GREB1L: variants seen among roughly 807,000 people sequenced by gnomAD.
GREB1L encodes the protein GREB1-like protein.
GREB1L carries 17 observed loss-of-function variants against 200.8 expected under a neutral mutation model. That is an observed-to-expected ratio of 0.08 (90% CI 0.06 to 0.13). The LOEUF (loss-of-function observed/expected upper bound fraction) is 0.13, where lower values mean the gene tolerates loss of function less well. Among genes scored for constraint, GREB1L ranks in the 10% least tolerant of loss-of-function variants. The probability of loss-of-function intolerance (pLI) is 1.00; values close to 1 mark genes in which losing one functional copy is unlikely to be tolerated. For synonymous variants in GREB1L, 789 were observed against 893.0 expected, an observed-to-expected ratio of 0.88 and a Z score of 2.08; for missense variants, 1,657 against 2,367.7, an observed-to-expected ratio of 0.70 and a Z score of 6.23.
chr18:21,444,525 C>CTAA (rs1391784855), intron 11 of GREB1L, 116 bp downstream of exon 11: 7 of 841,130 alleles, frequency 8.3e-6, no homozygotes, highest in Non-Finnish European at 1.1e-5. Flanking sequence ...TCTTTCGCTT[C>CTAA]TAATGTTCTT....
intron 7 of GREB1L, among the ~76,000 whole-genome samples, chr18:21,408,778 G>A (rs1345965052): frequency 7.9e-6 from 1 of 126,076 alleles, no homozygotes; most frequent in Non-Finnish European, 1.7e-5. Flanking sequence ...TGAGCAAAAA[G>A]AGAGAAATTC....
chr18:21,372,174 A>C (rs953353855), intron 2 of GREB1L, among the ~76,000 whole-genome samples: 4 of 149,356 alleles, frequency 2.7e-5, no homozygotes, highest in Admixed American at 6.7e-5. Context: ...TTTGAGACAG[A>C]GTCTCGCTCT....
chr18:21,384,013 C>T (rs1455039565), intron 3 of GREB1L, among the ~76,000 whole-genome samples, 193 bp from the exon 4 acceptor site: 1 of 152,176 alleles, frequency 6.6e-6, no homozygotes, highest in East Asian at 1.9e-4. Flanking sequence ...TGCACCCGGC[C>T]ACTGGACTCC....
intron 1 of GREB1L, among the ~76,000 whole-genome samples, chr18:21,344,403 A>AAAAAACAACAACAACAAC (rs1555629787): frequency 1.3e-5 from 2 of 150,226 alleles, no homozygotes; most frequent in African/African-American, 5.0e-5. Context: ...TCTGTCTCAA[A>AAAAAACAACAACAACAAC]AACAACAACA....
chr18:21,287,287 A>G (rs1029180982), intron 1 of GREB1L, among the ~76,000 whole-genome samples: 1 of 152,104 alleles, frequency 6.6e-6, no homozygotes, highest in Non-Finnish European at 1.5e-5. Context: ...AGAATTGCAT[A>G]CTCCACACTA....
chr18:21,384,090 T>C, intron 3 of GREB1L, 116 bp from the exon 4 acceptor site: 1 of 745,652 alleles, frequency 1.3e-6, no homozygotes, highest in Non-Finnish European at 2.2e-6. Flanking sequence ...CTGAGATAAA[T>C]TGGCTAAATG....
At chr18:21,461,196 G>A (rs765445487) in intron 15 of GREB1L, among the ~76,000 whole-genome samples, 34 of 151,898 alleles carry the variant, frequency 2.2e-4, no homozygotes, top group Non-Finnish European at 3.2e-4. Context: ...GCTGATCAGT[G>A]GAGGAGCTGG....
chr18:21,513,461 C>T (rs1315634936), intron 27 of GREB1L, among the ~76,000 whole-genome samples: 1 of 152,200 alleles, frequency 6.6e-6, no homozygotes, highest in African/African-American at 2.4e-5. Context: ...AGGAAGTAAA[C>T]AGTAACAGCA....
chr18:21,244,192 C>T (rs1474299610), intron 1 of GREB1L, among the ~76,000 whole-genome samples: 1 of 152,192 alleles, frequency 6.6e-6, no homozygotes, highest in African/African-American at 2.4e-5. Context: ...ATATCTCCTC[C>T]TGCACACACA....
At chr18:21,256,119 A>G (rs943769461) in intron 1 of GREB1L, among the ~76,000 whole-genome samples, 3 of 152,226 alleles carry the variant, frequency 2.0e-5, no homozygotes, top group African/African-American at 7.2e-5. Context: ...AAAAATGGCT[A>G]TTTTAAAGTG....
intron 16 of GREB1L, among the ~76,000 whole-genome samples, chr18:21,476,297 G>A (rs878990930): frequency 2.6e-5 from 4 of 152,090 alleles, no homozygotes; most frequent in Non-Finnish European, 2.9e-5. Context: ...AAGCCAGAAA[G>A]TGTTTGATAA....
At chr18:21,457,055 A>C (rs1167068087) in intron 15 of GREB1L, among the ~76,000 whole-genome samples, 2 of 152,228 alleles carry the variant, frequency 1.3e-5, no homozygotes, top group Admixed American at 6.5e-5. Flanking sequence ...AATCATCTGC[A>C]GAGCCTTTTC....
intron 1 of GREB1L, among the ~76,000 whole-genome samples, chr18:21,331,157 A>G (rs1159972709): frequency 1.3e-5 from 2 of 152,208 alleles, no homozygotes; most frequent in African/African-American, 4.8e-5. Flanking sequence ...GGTGACTATT[A>G]TATTTGTTTA....
chr18:21,388,745 C>T (rs1351600858), intron 4 of GREB1L, among the ~76,000 whole-genome samples: 8 of 151,774 alleles, frequency 5.3e-5, no homozygotes, highest in Admixed American at 2.6e-4. Context: ...GGGGTTTCAC[C>T]GGTTCCTTTT....
rs376022881 is a variant in GREB1L at position 21,439,587 on chromosome 18, C to G, written c.899C>G (p.Thr300Arg). ...GCATCCAGCTCCACTCCAGCCCACA[C>G]AGGGAATTACTCTTTGTCACCACGA... Reference protein sequence around the residue: ...GSASSSTPAHTGNYSLSPRPS... With the variant: ...GSASSSTPAHRGNYSLSPRPS... Residue 300 changes from threonine to arginine, a missense_variant, in exon 8 of 33, where the codon ACA becomes AGA. By Grantham distance (71) the Thr-to-Arg change is moderately conservative (BLOSUM62 -1). Transcript: ENST00000424526. The G allele has an allele frequency of 6.4e-7, 1 of 1,551,836 alleles. No homozygotes were observed.
At chr18:21,430,579 ATC>A (rs1485964169) in intron 7 of GREB1L, among the ~76,000 whole-genome samples, 1 of 67,978 alleles carries the variant, frequency 1.5e-5, no homozygotes. Flanking sequence ...TTGATTTGGG[ATC>A]TTTTTTTTTT....
intron 1 of GREB1L, among the ~76,000 whole-genome samples, chr18:21,273,867 C>A (rs2038118661): frequency 6.6e-6 from 1 of 151,754 alleles, no homozygotes. Context: ...CATGGTAAGG[C>A]CACTGGATCT....
chr18:21,399,975 A>G (rs2041249571), intron 5 of GREB1L, among the ~76,000 whole-genome samples: 1 of 152,048 alleles, frequency 6.6e-6, no homozygotes. Flanking sequence ...ATATCAGGTT[A>G]GCTTAGGGGT....
At chr18:21,428,404 C>CTTTTTTTTTTTTT (rs2032822870) in intron 7 of GREB1L, among the ~76,000 whole-genome samples, 1 of 84,826 alleles carries the variant, frequency 1.2e-5, no homozygotes. Flanking sequence ...TTTGTAGATG[C>CTTTTTTTTTTTTT]TTTTTATCAA....
Sources: allele counts gnomAD v4.1 joint callset (sites outside exome capture counted in the v4.1 genomes callset), GRCh38; gene constraint gnomAD v4.1.1; transcripts MANE v1.5; gene names NCBI Gene and HGNC (gene_info 2026-07-23, HGNC 2026-07-21).